MTHFD1: variants seen among roughly 807,000 people sequenced by gnomAD.
MTHFD1 encodes methylenetetrahydrofolate dehydrogenase, cyclohydrolase and formyltetrahydrofolate synthetase 1.
Under a neutral mutation model 110.3 loss-of-function variants are expected in MTHFD1, and 44 were observed. The ratio of observed to expected loss-of-function variants is 0.40; its 90% confidence interval spans 0.31 to 0.51. The LOEUF is 0.51. Among genes scored for constraint, MTHFD1 ranks in the 20% least tolerant of loss-of-function variants. MTHFD1 has a pLI of 0.60. For missense variants in MTHFD1, 909 were observed against 1,173.1 expected, an observed-to-expected ratio of 0.77 and a Z score of 3.29; for synonymous variants, 402 against 428.8, an observed-to-expected ratio of 0.94 and a Z score of 0.77.
Position 64,449,715 on chromosome 14 carries a change from G to A in MTHFD1, c.2457+93G>A, listed in dbSNP as rs1596558803. The A allele has an allele frequency of 1.2e-5, 18 of 1,447,680 alleles. No homozygotes were observed. In the East Asian group the frequency reaches 3.4e-4, roughly 27 times the overall value. The allele number at this position is 1,447,680 out of a possible 1,614,324, so 89.7% of individuals were successfully genotyped here. ...TACTTCTATTAGAGCCCCATGCTTCGCAGCTTCAGCCTTGCGGTTTGATTC... is the reference window on the plus strand; with the variant it reads ...TACTTCTATTAGAGCCCCATGCTTCACAGCTTCAGCCTTGCGGTTTGATTC... On this transcript the variant is annotated intron_variant, in intron 24 of 27. Transcript: ENST00000652337.
chr14:64,454,802 C>A lies in MTHFD1; in HGVS notation c.2645C>A (p.Thr882Lys). ...AACCCAGAGCAAAAAGGTGTCCCTACAGGCTTCATTCTGCCCATTCGCGAC... is the reference window on the plus strand; with the variant it reads ...AACCCAGAGCAAAAAGGTGTCCCTAAAGGCTTCATTCTGCCCATTCGCGAC... ...SHNPEQKGVP[T>K]GFILPIRDIR... The change falls in exon 26 of 28, where the codon ACA becomes AAA. Residue 882 changes from threonine (T) to lysine (K), a missense_variant. By Grantham distance (78) the Thr-to-Lys change is moderately conservative. Transcript: ENST00000652337. The A allele has an allele frequency of 6.2e-7, 1 of 1,614,134 alleles. No individual in the cohort carries two copies. Among genetic ancestry groups the A allele is most frequent in the South Asian group, 1.1e-5 (1 of 91,078 alleles).
intron 1 of MTHFD1, chr14:64,390,296 A>T (rs958639156): frequency 6.6e-6 from 1 of 150,418 alleles, no homozygotes; most frequent in African/African-American, 2.4e-5. Context: ...GTTAATGTAT[A>T]TATGAATGAT....
intron 8 of MTHFD1, among the ~76,000 whole-genome samples, chr14:64,422,766 G>T (rs1254533959): frequency 2.0e-5 from 3 of 152,100 alleles, no homozygotes; most frequent in Non-Finnish European, 2.9e-5. Context: ...GAAATTCTAG[G>T]GCTGGGGGTA....
chr14:64,415,453 A>G lies in MTHFD1; in HGVS notation c.336A>G (p.Glu112=), dbSNP rs750277221. The change falls in exon 5 of 28, where the codon GAA becomes GAG. Residue 112 remains glutamate, a synonymous_variant. Transcript: ENST00000652337. ...ATTCAGAGAATTCCATTAACACTGA[A>G]GAAGTGATCAATGCTATTGCACCCG... ...PLDSENSINT[E]EVINAIAPEK... 5 of 1,613,988 alleles carry G rather than the reference A, an allele frequency of 3.1e-6. No individual in the cohort carries two copies. The highest frequency in any genetic ancestry group is 1.3e-5 in the African/African-American group (1 of 74,936).
Position 64,454,867 on chromosome 14 carries a change from G to A in MTHFD1, c.2710G>A (p.Val904Ile), listed in dbSNP as rs748447801. 6.2e-7 allele frequency: 1 copy of A among 1,614,102 alleles called. No homozygotes were observed. Among genetic ancestry groups the A allele is most frequent in the Non-Finnish European group, 8.5e-7 (1 of 1,180,034 alleles). Residue 904 changes from valine (V) to isoleucine (I), a missense_variant, in exon 26 of 28, where the codon GTA becomes ATA. Transcript: ENST00000652337. ...TGGGGCTGGTTTTCTGTACCCCTTAGTAGGAACGGTAAGTGCATGCTGCAA... is the reference window on the plus strand; with the variant it reads ...TGGGGCTGGTTTTCTGTACCCCTTAATAGGAACGGTAAGTGCATGCTGCAA... ...SVGAGFLYPL[V>I]GTMSTMPGLP...
At chr14:64,448,592 CT>C (rs2078316492) in intron 23 of MTHFD1, 2 of 450,766 alleles carry the variant, frequency 4.4e-6, no homozygotes, top group Admixed American at 6.8e-5. Flanking sequence ...CCTTTTTCAT[CT>C]TTAGAGGCCT....
chr14:64,448,221 T>A lies in MTHFD1; in HGVS notation c.2183T>A (p.Leu728Gln), dbSNP rs765489316. ...CTTTCACTGTTGTTTTTACAGAACC[T>A]GGAGCTGGTTGAAAAAGGCTTCAGT... ...PLPKAYIQEN[L>Q]ELVEKGFSNL... The change falls in exon 23 of 28, where the codon CTG becomes CAG. Residue 728 changes from leucine to glutamine, a missense_variant. This residue lies in a region of MTHFD1 where 482 missense variants were observed against 646.0 expected (regional missense o/e 0.75). Coordinates refer to ENST00000652337, the MANE Select transcript of MTHFD1 (RefSeq NM_005956.4). The A allele has an allele frequency of 1.3e-5, 21 of 1,613,166 alleles. No homozygotes were observed. The East Asian group carries it at 4.5e-4, about 34-fold the overall frequency.
intron 8 of MTHFD1, among the ~76,000 whole-genome samples, chr14:64,424,442 C>T (rs2078103748): frequency 6.6e-6 from 1 of 152,146 alleles, no homozygotes; most frequent in South Asian, 2.1e-4. Context: ...GATCTTTGTG[C>T]ACCCAAAAAA....
rs34181110 is a variant in MTHFD1, at chr14:64,425,752, G to A, written c.878G>A (p.Arg293His). The change falls in exon 10 of 28, where the codon CGT (arginine) becomes CAT (histidine). Residue 293 changes from arginine to histidine, a missense_variant. Coordinates refer to ENST00000652337, the MANE Select transcript of MTHFD1 (RefSeq NM_005956.4). ...TAGAGCACAGTAGAGAGTGCCAAGCGTTTCCTGGAGAAATTTAAGCCAGGA... is the reference window on the plus strand; with the variant it reads ...TAGAGCACAGTAGAGAGTGCCAAGCATTTCCTGGAGAAATTTAAGCCAGGA... ...LMQSTVESAK[R>H]FLEKFKPGKW... 2.7e-3 allele frequency: 4,279 copies of A among 1,612,896 alleles called. 15 individuals carry two copies. Among genetic ancestry groups the A allele is most frequent in the Non-Finnish European group, 3.1e-3 (3,704 of 1,179,868 alleles).
intron 22 of MTHFD1, 183 bp from the exon 23 acceptor site, chr14:64,448,034 C>T (rs911630027): frequency 3.2e-6 from 2 of 634,088 alleles, no homozygotes; most frequent in African/African-American, 3.6e-5. Context: ...AGCTGCAGTT[C>T]TCCATAGCAT....
Position 64,448,253 on chromosome 14 carries a change from A to G in MTHFD1, c.2215A>G (p.Lys739Glu), listed in dbSNP as rs781116771. ...ELVEKGFSNL[K>E]KQIENARMFG... ...GGTTGAAAAAGGCTTCAGTAACTTG[A>G]AGAAACAAATTGAAAATGCCAGAAT... The change falls in exon 23 of 28, where the codon AAG becomes GAG. Residue 739 changes from lysine to glutamate, a missense_variant. Transcript: ENST00000652337. 2 of 1,614,188 alleles carry G rather than the reference A, an allele frequency of 1.2e-6. No homozygotes were observed. Among genetic ancestry groups the G allele is most frequent in the South Asian group, 2.2e-5 (2 of 91,084 alleles).
rs909604388 is a variant in MTHFD1 at position 64,444,977 on chromosome 14, C to T, written c.2178+243C>T. On this transcript the variant is annotated intron_variant, in intron 22 of 27. Coordinates refer to ENST00000652337, the MANE Select transcript of MTHFD1 (RefSeq NM_005956.4). ...CACTGCCCTAGACCAGTGGTTGATTCTCAACAGCTGATTTTGACCCCGGGG... is the reference window on the plus strand; with the variant it reads ...CACTGCCCTAGACCAGTGGTTGATTTTCAACAGCTGATTTTGACCCCGGGG... 5.6e-6 allele frequency: 3 copies of T among 535,774 alleles called. No individual in the cohort carries two copies. The African/African-American group carries it at 5.7e-5, about 10-fold the overall frequency. 33.2% of individuals were successfully genotyped at this position (535,774 alleles called of 1,614,324 possible).
At chr14:64,413,507 A>C (rs544688413) in intron 4 of MTHFD1, among the ~76,000 whole-genome samples, 1 of 152,312 alleles carries the variant, frequency 6.6e-6, no homozygotes, top group South Asian at 2.1e-4. Context: ...GATTAATGCT[A>C]AACTGTAGGA....
intron 2 of MTHFD1, among the ~76,000 whole-genome samples, chr14:64,404,600 C>T (rs2077923336): frequency 6.6e-6 from 1 of 152,216 alleles, no homozygotes; most frequent in South Asian, 2.1e-4. Flanking sequence ...ACATAGTCTC[C>T]TTCTCAATCT....
At position 64,459,822 on chromosome 14, in the gene MTHFD1, G is replaced by A; in HGVS notation, c.*68G>A. ...GCCAGTGTCTATTCAGGCCCACTGG[G>A]AGTTAGGAAGTATAAGTAAGCCAAG... On this transcript the variant is annotated 3_prime_UTR_variant, in exon 28 of 28. Coordinates refer to ENST00000652337, the MANE Select transcript of MTHFD1 (RefSeq NM_005956.4). 1 of 1,535,942 alleles carries A rather than the reference G, an allele frequency of 6.5e-7. No homozygotes were observed. The highest frequency in any genetic ancestry group is 1.4e-5 in the African/African-American group (1 of 73,150).
At position 64,442,390 on chromosome 14, in the gene MTHFD1, G is replaced by T; in HGVS notation, c.2124G>T (p.Gly708=). 1 of 1,614,182 alleles carries T rather than the reference G, an allele frequency of 6.2e-7. No individual in the cohort carries two copies. The highest frequency in any genetic ancestry group is 1.6e-4 in the Middle Eastern group (1 of 6,062). The change falls in exon 21 of 28, where the codon GGG becomes GGT. Residue 708 remains glycine (G), a synonymous_variant. Coordinates refer to ENST00000652337, the MANE Select transcript of MTHFD1 (RefSeq NM_005956.4). ...CTGTCAGGGCTCTCAAGATGCACGG[G>T]GGCGGCCCCACGGTGAGTGGTGGGT... is the stretch of plus-strand genomic sequence containing the variant. ...VATVRALKMH[G]GGPTVTAGLP...
At position 64,425,215 on chromosome 14, in the gene MTHFD1, T is replaced by C. The variant is rs532793502; in HGVS notation, c.855+284T>C. On this transcript the variant is annotated intron_variant, in intron 9 of 27. Transcript: ENST00000652337. ...TTTTGGTTTGCCTTCCCTTTCTTTT[T>C]TTTTTTTTTTTTTTGAGACGGAGTT... 1.5e-4 allele frequency among the ~76,000 whole-genome samples: 22 copies of C among 150,082 alleles called. No individual in the cohort carries two copies. The South Asian group carries it at 4.0e-3, about 28-fold the overall frequency.
At chr14:64,390,890 C>T (rs960764350) in intron 1 of MTHFD1, among the ~76,000 whole-genome samples, 9 of 152,060 alleles carry the variant, frequency 5.9e-5, no homozygotes, top group Admixed American at 4.6e-4. Context: ...CCCATGTGAT[C>T]CACCCACCTC....
chr14:64,441,279 G>C (rs909261368), intron 18 of MTHFD1, 106 bp from the exon 19 acceptor site: 50 of 1,018,296 alleles, frequency 4.9e-5, no homozygotes, highest in Non-Finnish European at 7.4e-5. Flanking sequence ...AGTATCAATT[G>C]GTCCAAGATG....
Sources: allele counts gnomAD v4.1 joint callset (sites outside exome capture counted in the v4.1 genomes callset), GRCh38; gene constraint gnomAD v4.1.1; regional missense constraint gnomAD v4.1.1; transcripts MANE v1.5; gene names NCBI Gene and HGNC (gene_info 2026-07-23, HGNC 2026-07-21).